Variants in LRP1B observed in about 807,000 individuals in gnomAD.
LRP1B encodes the protein LDL receptor related protein 1B.
LRP1B carries 217 observed loss-of-function variants against 556.6 expected under a neutral mutation model. That is an observed-to-expected ratio of 0.39 (90% confidence interval 0.35 to 0.44). LRP1B has a LOEUF of 0.44. LRP1B is among the 20% of genes least tolerant of loss of function. LRP1B has a pLI of 1.00. For missense variants in LRP1B, 5,053 were observed against 5,620.8 expected, an observed-to-expected ratio of 0.90 and a Z score of 3.23; for synonymous variants, 2,047 against 1,865.8, an observed-to-expected ratio of 1.10 and a Z score of -2.50.
At chr2:141,877,483 C>A (rs1246644067) in intron 1 of LRP1B, among the ~76,000 whole-genome samples, 1 of 151,990 alleles carries the variant, frequency 6.6e-6, no homozygotes, top group African/African-American at 2.4e-5. Context: ...TATGTTGCCT[C>A]TTCTCCCATC....
intron 3 of LRP1B, among the ~76,000 whole-genome samples, chr2:141,341,024 A>C (rs1198931695): frequency 6.6e-6 from 1 of 152,214 alleles, no homozygotes; most frequent in Non-Finnish European, 1.5e-5. Flanking sequence ...AAAATGATCT[A>C]GATTTTCAAT....
chr2:140,975,488 A>AAC (rs1696567583), intron 18 of LRP1B, among the ~76,000 whole-genome samples: 1 of 21,134 alleles, frequency 4.7e-5, no homozygotes, highest in Admixed American at 6.3e-4. Context: ...CTAAAGTTAT[A>AAC]TAAGCAGGAC....
intron 3 of LRP1B, among the ~76,000 whole-genome samples, chr2:141,466,201 T>G (rs1682190766): frequency 6.6e-6 from 1 of 152,218 alleles, no homozygotes; most frequent in Admixed American, 6.5e-5. Flanking sequence ...TATTTTTGTT[T>G]ATATAATTTT....
At chr2:141,740,134 C>G (rs191078392) in intron 2 of LRP1B, among the ~76,000 whole-genome samples, 32 of 152,184 alleles carry the variant, frequency 2.1e-4, no homozygotes, top group Non-Finnish European at 4.4e-5. Context: ...AATGCTATCT[C>G]CATTTTGATA....
At chr2:142,037,097 A>T (rs1215344343) in intron 1 of LRP1B, among the ~76,000 whole-genome samples, 1 of 151,682 alleles carries the variant, frequency 6.6e-6, no homozygotes, top group African/African-American at 2.4e-5. Flanking sequence ...ATTCACGTTC[A>T]TAAATGCCTG....
chr2:140,787,155 T>C (rs1029038160), intron 32 of LRP1B, among the ~76,000 whole-genome samples: 2 of 152,250 alleles, frequency 1.3e-5, no homozygotes, highest in Non-Finnish European at 2.9e-5. Context: ...CAAACTGGGA[T>C]TAAGTGGGTC....
At chr2:141,261,558 T>C (rs1050903659) in intron 3 of LRP1B, among the ~76,000 whole-genome samples, 6 of 152,174 alleles carry the variant, frequency 3.9e-5, no homozygotes, top group Non-Finnish European at 7.3e-5. Flanking sequence ...GATTGGTTTT[T>C]ATCTCAATGG....
At chr2:141,529,467 C>T (rs1183971571) in intron 2 of LRP1B, among the ~76,000 whole-genome samples, 1 of 152,116 alleles carries the variant, frequency 6.6e-6, no homozygotes. Context: ...TTGAAACTAA[C>T]TTATTTTAGA....
At chr2:141,709,704 T>G (rs866523453) in intron 2 of LRP1B, among the ~76,000 whole-genome samples, 10 of 152,242 alleles carry the variant, frequency 6.6e-5, no homozygotes, top group African/African-American at 2.2e-4. Flanking sequence ...ATACGTGGTG[T>G]GTGGGCAAAG....
At chr2:141,763,460 T>C (rs1694629573) in intron 2 of LRP1B, among the ~76,000 whole-genome samples, 1 of 152,070 alleles carries the variant, frequency 6.6e-6, no homozygotes, top group African/African-American at 2.4e-5. Context: ...CCCGACAGTA[T>C]AAAACTTTCA....
chr2:140,783,303 T>C (rs1689765480), intron 32 of LRP1B, among the ~76,000 whole-genome samples: 2 of 152,086 alleles, frequency 1.3e-5, no homozygotes, highest in South Asian at 4.1e-4. Flanking sequence ...GCCCTTCATG[T>C]CTAAAATAGA....
At chr2:140,427,793 C>T (rs1419475008) in intron 66 of LRP1B, among the ~76,000 whole-genome samples, 1 of 151,966 alleles carries the variant, frequency 6.6e-6, no homozygotes, top group East Asian at 1.9e-4. Context: ...CCCATCTGTC[C>T]TCTCCCCTCC....
chr2:141,584,399 G>A (rs1454727756), intron 2 of LRP1B, among the ~76,000 whole-genome samples: 1 of 152,172 alleles, frequency 6.6e-6, no homozygotes, highest in Non-Finnish European at 1.5e-5. Flanking sequence ...TTTGGTAAGA[G>A]ATCCAATTGT....
chr2:140,761,163 A>T lies in LRP1B; in HGVS notation c.5758+8050T>A, dbSNP rs117886049. On this transcript the variant is annotated intron_variant, in intron 35 of 90. Transcript: ENST00000389484. ...CTACAGTCTACTATTAACTGGAGGC[A>T]AAATGAGGATCAAGACAATGACCAT... 9.8e-5 allele frequency among the ~76,000 whole-genome samples: 15 copies of T among 152,346 alleles called. No homozygotes were observed. The East Asian group carries it at 2.9e-3, about 29-fold the overall frequency.
intron 2 of LRP1B, among the ~76,000 whole-genome samples, chr2:141,527,991 C>T (rs1684746787): frequency 3.3e-5 from 5 of 151,978 alleles, no homozygotes; most frequent in Admixed American, 3.3e-4. Context: ...ATGAGGTCTA[C>T]TAAAACAGTC....
intron 1 of LRP1B, among the ~76,000 whole-genome samples, chr2:141,967,727 C>T (rs1198176771): frequency 2.0e-5 from 3 of 151,640 alleles, no homozygotes; most frequent in Non-Finnish European, 2.9e-5. Flanking sequence ...TTTATAACAC[C>T]TTCTGCTTAA....
At chr2:141,715,112 C>T (rs1183036470) in intron 2 of LRP1B, among the ~76,000 whole-genome samples, 2 of 152,098 alleles carry the variant, frequency 1.3e-5, no homozygotes, top group African/African-American at 4.8e-5. Flanking sequence ...AGAAACCAAA[C>T]AAAGTGTACA....
At chr2:140,999,017 G>A (rs1697333896) in intron 15 of LRP1B, among the ~76,000 whole-genome samples, 1 of 152,020 alleles carries the variant, frequency 6.6e-6, no homozygotes, top group African/African-American at 2.4e-5. Flanking sequence ...ACTCTACTCA[G>A]CAACCATGAA....
chr2:140,945,339 A>T (rs1695510455), intron 20 of LRP1B, among the ~76,000 whole-genome samples: 1 of 152,156 alleles, frequency 6.6e-6, no homozygotes, highest in African/African-American at 2.4e-5. Flanking sequence ...CACCAGCATC[A>T]ATTTTCACAG....
Sources: allele counts gnomAD v4.1 joint callset (sites outside exome capture counted in the v4.1 genomes callset), GRCh38; gene constraint gnomAD v4.1.1; transcripts MANE v1.5; gene names NCBI Gene and HGNC (gene_info 2026-07-23, HGNC 2026-07-21).